CADM2: variants seen among roughly 807,000 people sequenced by gnomAD.
The protein encoded by CADM2 is cell adhesion molecule 2.
In CADM2, 12 loss-of-function variants were observed where a neutral mutation model predicts 49.8. The ratio of observed to expected loss-of-function variants is 0.24; its 90% CI spans 0.15 to 0.39. The LOEUF (loss-of-function observed/expected upper bound fraction) is 0.39, where lower values mean the gene tolerates loss of function less well. Ranked by LOEUF, CADM2 falls within the 10% of genes least tolerant of loss-of-function variation. The pLI, the probability that CADM2 is intolerant of heterozygous loss-of-function variation, is 1.00. For missense variants in CADM2, 378 were observed against 492.3 expected, an observed-to-expected ratio of 0.77 and a Z score of 2.20; for synonymous variants, 214 against 175.4, an observed-to-expected ratio of 1.22 and a Z score of -1.74.
chr3:85,231,003 A>G (rs1487452645), intron 1 of CADM2, among the ~76,000 whole-genome samples: 1 of 151,882 alleles, frequency 6.6e-6, no homozygotes, highest in Non-Finnish European at 1.5e-5. Flanking sequence ...TTTCTGGAAA[A>G]AAAAAAACTC....
intron 1 of CADM2, among the ~76,000 whole-genome samples, chr3:85,160,603 A>G (rs2040292595): frequency 1.3e-5 from 2 of 152,182 alleles, no homozygotes; most frequent in Non-Finnish European, 2.9e-5. Context: ...GTCCTTCTCA[A>G]TAAATAATTA....
At chr3:85,639,248 G>T (rs2064626958) in intron 1 of CADM2, among the ~76,000 whole-genome samples, 2 of 152,130 alleles carry the variant, frequency 1.3e-5, no homozygotes, top group Non-Finnish European at 2.9e-5. Flanking sequence ...TATCATAGAA[G>T]ATAATAGGTG....
intron 1 of CADM2, among the ~76,000 whole-genome samples, chr3:85,321,908 TC>T (rs2044621797): frequency 6.6e-6 from 1 of 152,342 alleles, no homozygotes; most frequent in Non-Finnish European, 1.5e-5. Flanking sequence ...TGGAATAGTG[TC>T]CTATATAATG....
chr3:85,150,354 A>G (rs1448946416), intron 1 of CADM2, among the ~76,000 whole-genome samples: 2 of 152,190 alleles, frequency 1.3e-5, no homozygotes, highest in African/African-American at 4.8e-5. Context: ...TACAAAAGAC[A>G]CTGCTGAACT....
chr3:85,776,460 A>G (rs1374627159), intron 2 of CADM2, among the ~76,000 whole-genome samples: 3 of 152,008 alleles, frequency 2.0e-5, no homozygotes, highest in African/African-American at 4.8e-5. Flanking sequence ...AATATTATTT[A>G]AAAACCCATA....
chr3:85,950,711 A>T (rs2108585476), intron 7 of CADM2, among the ~76,000 whole-genome samples: 1 of 151,268 alleles, frequency 6.6e-6, no homozygotes, highest in Non-Finnish European at 1.5e-5. Flanking sequence ...TGCTGATATT[A>T]ATCAGAATAG....
At chr3:85,396,669 AG>A (rs2034810132) in intron 1 of CADM2, among the ~76,000 whole-genome samples, 2 of 152,200 alleles carry the variant, frequency 1.3e-5, no homozygotes, top group South Asian at 4.1e-4. Flanking sequence ...CAATGGCAAA[AG>A]GACAGTCTGT....
intron 1 of CADM2, among the ~76,000 whole-genome samples, chr3:85,597,643 G>T (rs931677170): frequency 6.6e-6 from 1 of 151,978 alleles, no homozygotes. Flanking sequence ...AATACTAAAG[G>T]TAATCAAGCT....
intron 3 of CADM2, among the ~76,000 whole-genome samples, chr3:85,803,405 C>T (rs2072182139): frequency 6.6e-6 from 1 of 151,754 alleles, no homozygotes; most frequent in Non-Finnish European, 1.5e-5. Flanking sequence ...TAAAAGGGGA[C>T]AAGTGCTATG....
intron 1 of CADM2, among the ~76,000 whole-genome samples, chr3:85,099,103 AG>A (rs1364223015): frequency 6.6e-6 from 1 of 152,162 alleles, no homozygotes; most frequent in African/African-American, 2.4e-5. Context: ...TTTATCCTTC[AG>A]GGCTAGAACT....
chr3:85,957,322 A>G (rs1217820678), intron 7 of CADM2, among the ~76,000 whole-genome samples: 2 of 151,614 alleles, frequency 1.3e-5, no homozygotes, highest in African/African-American at 4.8e-5. Flanking sequence ...TATTTTTCCA[A>G]TATATTATAT....
intron 2 of CADM2, among the ~76,000 whole-genome samples, chr3:85,736,132 A>T (rs1467168752): frequency 6.6e-6 from 1 of 152,146 alleles, no homozygotes; most frequent in South Asian, 2.1e-4. Context: ...GAGAAAAAGA[A>T]GAAAATAAAA....
intron 1 of CADM2, among the ~76,000 whole-genome samples, chr3:85,461,310 A>T (rs2038234272): frequency 6.6e-6 from 1 of 152,132 alleles, no homozygotes; most frequent in Non-Finnish European, 1.5e-5. Flanking sequence ...ACAAGTCAGC[A>T]ACTTCAGCTA....
chr3:84,977,859 G>C (rs1245749105), intron 1 of CADM2, among the ~76,000 whole-genome samples: 1 of 152,042 alleles, frequency 6.6e-6, no homozygotes, highest in African/African-American at 2.4e-5. Context: ...GTGTCAATCA[G>C]CAGGTGTTTC....
At chr3:85,560,002 G>C (rs1392656466) in intron 1 of CADM2, among the ~76,000 whole-genome samples, 1 of 152,092 alleles carries the variant, frequency 6.6e-6, no homozygotes, top group Non-Finnish European at 1.5e-5. Context: ...TTCAAAATGG[G>C]AAGAAGCTCT....
At chr3:85,475,620 A>T (rs1383674368) in intron 1 of CADM2, among the ~76,000 whole-genome samples, 2 of 151,962 alleles carry the variant, frequency 1.3e-5, no homozygotes, top group Non-Finnish European at 2.9e-5. Context: ...AATCTTATAT[A>T]ACAAAGCATC....
In CADM2 at chr3:85,946,004, C is replaced by T. The variant is rs920311953; in HGVS notation, c.791+10147C>T. Among the ~76,000 whole-genome samples, 20 of 152,000 alleles carry T rather than the reference C, an allele frequency of 1.3e-4. No individual in the cohort carries two copies. The East Asian group carries it at 1.4e-3, about 10-fold the overall frequency. ...AAGTCAAATTGTCCCTGTTTGCAGA[C>T]GACATGATTGTATATCTAGAAAACC... On this transcript the variant is annotated intron_variant, in intron 7 of 9. Transcript: ENST00000383699.
intron 2 of CADM2, among the ~76,000 whole-genome samples, chr3:85,760,709 T>A (rs577607958): frequency 2.5e-4 from 38 of 152,302 alleles, no homozygotes; most frequent in African/African-American, 8.4e-4. Flanking sequence ...TTTTGATCCC[T>A]TTTTAGTTGT....
At chr3:85,616,061 A>T (rs2063793106) in intron 1 of CADM2, among the ~76,000 whole-genome samples, 1 of 151,902 alleles carries the variant, frequency 6.6e-6, no homozygotes, top group Admixed American at 6.6e-5. Flanking sequence ...GACTGTGTAA[A>T]ATTATGCTGA....
Sources: gnomAD v4.1 joint callset for allele counts (sites outside exome capture counted in the v4.1 genomes callset) on GRCh38, gnomAD v4.1.1 for gene constraint, MANE v1.5 for transcripts, NCBI Gene and HGNC (gene_info 2026-07-23, HGNC 2026-07-21) for gene names.